Variants in HBS1L observed in about 807,000 individuals in gnomAD.
HBS1L encodes the protein HBS1-like protein.
Under a neutral mutation model 88.9 loss-of-function variants are expected in HBS1L, and 55 were observed. That is an observed-to-expected ratio of 0.62 (90% CI 0.50 to 0.77). The LOEUF is 0.77. Ranked by LOEUF, HBS1L falls within the 30% of genes least tolerant of loss-of-function variation. The probability of loss-of-function intolerance (pLI) is 0.00; values close to 1 mark genes in which losing one functional copy is unlikely to be tolerated. For missense variants in HBS1L, 741 were observed against 829.3 expected (o/e 0.89, Z 1.31); for synonymous variants, 267 against 288.5 (o/e 0.93, Z 0.76).
intron 5 of HBS1L, among the ~76,000 whole-genome samples, 163 bp from the exon 6 acceptor site, chr6:134,997,819 C>T (rs1775335969): frequency 6.6e-6 from 1 of 152,102 alleles, no homozygotes; most frequent in East Asian, 1.9e-4. Flanking sequence ...TGATAAGTAG[C>T]TAGACTCAAA....
intron 15 of HBS1L, among the ~76,000 whole-genome samples, chr6:134,971,817 C>G (rs559784937): frequency 7.4e-4 from 113 of 152,140 alleles, no homozygotes; most frequent in Non-Finnish European, 1.4e-3. Flanking sequence ...CACAACCTCT[C>G]GGAGGGTTCA....
rs1458514981 is a variant in HBS1L, at chr6:134,985,365, A to T, written c.1468T>A (p.Leu490Ile). 3 of 1,607,680 alleles carry T rather than the reference A, an allele frequency of 1.9e-6. No homozygotes were observed. In the Admixed American group the frequency reaches 5.1e-5, roughly 27 times the overall value. The change falls in exon 12 of 18, where the codon TTA becomes ATA. Residue 490 changes from leucine (L) to isoleucine (I), a missense_variant. Leu to Ile is a conservative substitution (Grantham distance 5). Transcript: ENST00000367837. ...CCTTTGAAAACATCGGACACACATA[A>T]TCTAAAAGGTTTGTCAATAGATCGC... is the stretch of plus-strand genomic sequence containing the variant. ...PQRSIDKPFR[L>I]CVSDVFKDQG...
chr6:134,987,823 A>G (rs768191315), intron 8 of HBS1L, 32 bp from the exon 9 acceptor site: 4 of 1,540,822 alleles, frequency 2.6e-6, no homozygotes, highest in Non-Finnish European at 2.6e-6. Flanking sequence ...AGCCAGAAAT[A>G]ATGTTTCAGC....
rs57393645 is a variant in HBS1L at position 134,964,822 on chromosome 6, G to GAAAAAAAAAAAA, written c.*445_*456dup. Reference sequence around the variant, plus strand: ...CCAAATCTTTTCTTAGCATTAACTGGAAAAAAAAAAAAAAAAAAAGCTTAG... The same window carrying GAAAAAAAAAAAA: ...CCAAATCTTTTCTTAGCATTAACTGGAAAAAAAAAAAAAAAAAAAAAAAAAAAAAAAGCTTAG... On this transcript the variant is annotated 3_prime_UTR_variant, in exon 18 of 18. Transcript: ENST00000367837. 1 of 84,378 alleles carries GAAAAAAAAAAAA rather than the reference G, an allele frequency of 1.2e-5. No individual in the cohort carries two copies. Among genetic ancestry groups the GAAAAAAAAAAAA allele is most frequent in the South Asian group, 4.3e-4 (1 of 2,324 alleles). 5.2% of individuals were successfully genotyped at this position (84,378 alleles called of 1,614,324 possible). A position where few individuals can be genotyped will look rare whatever the true frequency, so the allele number is the denominator to read the frequency against.
intron 16 of HBS1L, among the ~76,000 whole-genome samples, chr6:134,968,763 A>C (rs1182043484): frequency 6.7e-6 from 1 of 148,232 alleles, no homozygotes; most frequent in Non-Finnish European, 1.5e-5. Context: ...AAAAAAAAAA[A>C]AAAACAAACT....
intron 3 of HBS1L, among the ~76,000 whole-genome samples, chr6:135,041,708 GTTC>G (rs951718951): frequency 5.9e-5 from 9 of 152,138 alleles, no homozygotes; most frequent in East Asian, 1.9e-4. Flanking sequence ...ATCTGAAAAA[GTTC>G]TTCTTAACGA....
Position 134,986,106 on chromosome 6 carries a change from G to T in HBS1L, c.1383C>A (p.Leu461=). 1 of 1,593,450 alleles carries T rather than the reference G, an allele frequency of 6.3e-7. No individual in the cohort carries two copies. Among genetic ancestry groups the T allele is most frequent in the South Asian group, 1.1e-5 (1 of 90,312 alleles). ...NLITRSQSSE[L]TKWYKGLCLL... ...AACATAGTCCTTTATACCATTTTGT[G>T]AGTTCACTTGACTGAGATCTTGTGA... Residue 461 remains leucine (L), a synonymous_variant, in exon 11 of 18, where the codon CTC becomes CTA. Transcript: ENST00000367837.
intron 8 of HBS1L, among the ~76,000 whole-genome samples, chr6:134,992,581 C>T (rs1775172938): frequency 6.6e-6 from 1 of 152,056 alleles, no homozygotes; most frequent in African/African-American, 2.4e-5. Flanking sequence ...GTATTTGTGT[C>T]TTTGTTTTTC....
rs1185398087 is a variant in HBS1L at position 134,961,357 on chromosome 6, C to T, written c.*3922G>A. 4 of 152,252 alleles carry T rather than the reference C, an allele frequency of 2.6e-5. No individual in the cohort carries two copies. The highest frequency in any genetic ancestry group is 3.9e-4 in the East Asian group (2 of 5,182). 9.4% of individuals were successfully genotyped at this position (152,252 alleles called of 1,614,324 possible). ...TACACTATTAACTTATTTGTACATA[C>T]TTAAATGGTTTCAGTGTGAAAAAGC... is the stretch of plus-strand genomic sequence containing the variant. On this transcript the variant is annotated 3_prime_UTR_variant, in exon 18 of 18. Transcript: ENST00000367837.
intron 4 of HBS1L, among the ~76,000 whole-genome samples, chr6:135,024,430 ACTT>A (rs2114863528): frequency 7.4e-6 from 1 of 135,060 alleles, no homozygotes; most frequent in African/African-American, 3.0e-5. Flanking sequence ...ACAGAGTGAG[ACTT>A]CGTCTCAAAA....
Position 135,002,768 on chromosome 6 carries a change from C to CA in HBS1L, c.504dup (p.Gly169TrpfsTer9). ...TCAAATCCCATAGTTTGCTTCTTTC[C>CA]AGATACAGTCATTTTAGCAACTTTT... On this transcript the variant is annotated frameshift_variant, in exon 5 of 18. Transcript: ENST00000367837. LOFTEE classifies it high-confidence loss of function. 6.2e-7 allele frequency: 1 copy of CA among 1,613,114 alleles called. No individual in the cohort carries two copies. The highest frequency in any genetic ancestry group is 8.5e-7 in the Non-Finnish European group (1 of 1,179,316).
chr6:135,015,551 C>A (rs2114844252), intron 4 of HBS1L, among the ~76,000 whole-genome samples: 1 of 152,128 alleles, frequency 6.6e-6, no homozygotes, highest in East Asian at 1.9e-4. Context: ...AACAAAGTGC[C>A]TCTAAATGTA....
chr6:135,007,717 T>C (rs1336680051), intron 4 of HBS1L, among the ~76,000 whole-genome samples: 1 of 152,202 alleles, frequency 6.6e-6, no homozygotes, highest in Non-Finnish European at 1.5e-5. Context: ...GAGATACATA[T>C]ATATAATCAA....
chr6:135,049,909 T>C (rs770919764), intron 2 of HBS1L, among the ~76,000 whole-genome samples: 5 of 152,238 alleles, frequency 3.3e-5, no homozygotes, highest in Non-Finnish European at 5.9e-5. Context: ...TTTTAACCTG[T>C]GTAGACAGTA....
chr6:134,985,628 T>C (rs749699514), intron 11 of HBS1L, among the ~76,000 whole-genome samples: 9 of 152,058 alleles, frequency 5.9e-5, no homozygotes, highest in Admixed American at 2.6e-4. Flanking sequence ...AGCACTGATA[T>C]AATGCTCAAA....
At chr6:135,042,990 C>A (rs372011471) in intron 2 of HBS1L, among the ~76,000 whole-genome samples, 2 of 152,172 alleles carry the variant, frequency 1.3e-5, no homozygotes, top group Non-Finnish European at 1.5e-5. Flanking sequence ...CTAACTTTAA[C>A]TTTCAGACAT....
intron 2 of HBS1L, among the ~76,000 whole-genome samples, chr6:135,046,893 T>C (rs925928308): frequency 2.6e-5 from 4 of 152,234 alleles, no homozygotes; most frequent in African/African-American, 9.6e-5. Context: ...TTGGAAAATA[T>C]ACCACTATAG....
intron 4 of HBS1L, among the ~76,000 whole-genome samples, chr6:135,016,343 A>G (rs1775921378): frequency 1.3e-5 from 2 of 152,248 alleles, no homozygotes; most frequent in Non-Finnish European, 2.9e-5. Flanking sequence ...ATGTCCTAAT[A>G]TACATAGTTA....
chr6:134,997,088 G>GAA (rs72155156), intron 6 of HBS1L, 146 bp from the exon 7 acceptor site: 17 of 622,118 alleles, frequency 2.7e-5, no homozygotes, highest in South Asian at 1.2e-4. Flanking sequence ...ACATCTAATA[G>GAA]AAAAAAAAAA....
Sources: allele counts gnomAD v4.1 joint callset (sites outside exome capture counted in the v4.1 genomes callset), GRCh38; gene constraint gnomAD v4.1.1; transcripts MANE v1.5; gene names NCBI Gene and HGNC (gene_info 2026-07-23, HGNC 2026-07-21).